Variants in ATRNL1 observed in about 807,000 individuals in gnomAD.
The protein encoded by ATRNL1 is attractin-like protein 1.
ATRNL1 carries 95 observed loss-of-function variants against 182.7 expected under a neutral mutation model. The observed-to-expected ratio is 0.52, with a 90% CI of 0.44 to 0.62. The LOEUF is 0.62. ATRNL1 is among the 20% of genes least tolerant of loss of function. ATRNL1 has a pLI of 0.00. For synonymous variants in ATRNL1, 576 were observed against 568.3 expected, an observed-to-expected ratio of 1.01 and a Z score of -0.19; for missense variants, 1,471 against 1,679.5, an observed-to-expected ratio of 0.88 and a Z score of 2.17.
chr10:115,198,229 A>G (rs1848433859), intron 8 of ATRNL1, among the ~76,000 whole-genome samples: 2 of 152,154 alleles, frequency 1.3e-5, no homozygotes, highest in South Asian at 4.1e-4. Flanking sequence ...ATGATATATC[A>G]TTTTGGTTTT....
chr10:115,904,803 A>G (rs191762605), intron 28 of ATRNL1, among the ~76,000 whole-genome samples: 1 of 152,356 alleles, frequency 6.6e-6, no homozygotes, highest in African/African-American at 2.4e-5. Flanking sequence ...TTTACAAATT[A>G]AAGTCCAAAG....
At chr10:115,135,474 AC>A (rs1389921814) in intron 5 of ATRNL1, among the ~76,000 whole-genome samples, 2 of 152,208 alleles carry the variant, frequency 1.3e-5, no homozygotes, top group African/African-American at 2.4e-5. Context: ...AATCCAACTT[AC>A]AAGGGACGTG....
At chr10:115,336,519 A>G (rs575857173) in intron 19 of ATRNL1, among the ~76,000 whole-genome samples, 1 of 152,286 alleles carries the variant, frequency 6.6e-6, no homozygotes, top group African/African-American at 2.4e-5. Context: ...GTGTTAATGT[A>G]TTGATTGCAT....
At chr10:115,608,340 G>C (rs1172298435) in intron 26 of ATRNL1, among the ~76,000 whole-genome samples, 1 of 151,916 alleles carries the variant, frequency 6.6e-6, no homozygotes, top group African/African-American at 2.4e-5. Context: ...CTGAACTCTG[G>C]TGTTAAAAAA....
intron 20 of ATRNL1, 84 bp downstream of exon 20, chr10:115,394,836 T>C (rs1844206268): frequency 9.3e-7 from 1 of 1,072,452 alleles, no homozygotes; most frequent in African/African-American, 1.6e-5. Flanking sequence ...TTTAATTTAG[T>C]GTTGTGCTAG....
At chr10:115,251,171 C>T (rs1366378802) in intron 10 of ATRNL1, among the ~76,000 whole-genome samples, 1 of 152,076 alleles carries the variant, frequency 6.6e-6, no homozygotes, top group Non-Finnish European at 1.5e-5. Flanking sequence ...GTTTAGTTTG[C>T]CAAACTGATG....
intron 28 of ATRNL1, among the ~76,000 whole-genome samples, chr10:115,884,756 A>G (rs190073642): frequency 3.3e-5 from 5 of 152,348 alleles, no homozygotes; most frequent in East Asian, 1.9e-4. Context: ...AGGTCTTCCA[A>G]ATATCCCAGG....
rs148493482 is a variant in ATRNL1 at position 115,362,519 on chromosome 10, G to GTT, written c.3175+28112_3175+28113dup. 2.1e-4 allele frequency among the ~76,000 whole-genome samples: 29 copies of GTT among 139,872 alleles called. No homozygotes were observed. In the South Asian group the frequency reaches 3.2e-3, roughly 15 times the overall value. The allele number at this position is 139,872 out of a possible 152,430, so 91.8% of individuals were successfully genotyped here. A position where few individuals can be genotyped will look rare whatever the true frequency, so the allele number is the denominator to read the frequency against. Reference sequence around the variant, plus strand: ...GCGGTTTACAAGTATGCAGTACATTGTTTTTTTTTTTTTATTATACTTTAA... The same window carrying GTT: ...GCGGTTTACAAGTATGCAGTACATTGTTTTTTTTTTTTTTTATTATACTTTAA... On this transcript the variant is annotated intron_variant, in intron 19 of 28. Coordinates refer to ENST00000355044, the MANE Select transcript of ATRNL1 (RefSeq NM_207303.4).
chr10:115,567,550 T>G (rs1381143525), intron 26 of ATRNL1, among the ~76,000 whole-genome samples: 2 of 152,144 alleles, frequency 1.3e-5, no homozygotes, highest in Non-Finnish European at 2.9e-5. Flanking sequence ...AGCAACCTAT[T>G]AAAAGATGAA....
At chr10:115,101,985 T>C (rs1843789037) in intron 1 of ATRNL1, among the ~76,000 whole-genome samples, 3 of 152,248 alleles carry the variant, frequency 2.0e-5, no homozygotes, top group South Asian at 2.1e-4. Flanking sequence ...TATTCTTCTA[T>C]TGATGGGTGG....
At chr10:115,106,305 C>T (rs1215916482) in intron 1 of ATRNL1, among the ~76,000 whole-genome samples, 1 of 152,156 alleles carries the variant, frequency 6.6e-6, no homozygotes, top group East Asian at 1.9e-4. Context: ...AATACCTATA[C>T]CCCCATTGTA....
intron 24 of ATRNL1, among the ~76,000 whole-genome samples, chr10:115,489,418 G>C (rs1565096709): frequency 6.6e-6 from 1 of 152,112 alleles, no homozygotes; most frequent in Non-Finnish European, 1.5e-5. Flanking sequence ...CCTGTATTGG[G>C]TGCATATATA....
At chr10:115,639,214 A>G (rs888587428) in intron 26 of ATRNL1, among the ~76,000 whole-genome samples, 4 of 152,200 alleles carry the variant, frequency 2.6e-5, no homozygotes, top group Admixed American at 2.0e-4. Flanking sequence ...TTTTTAAACT[A>G]TGGAGTCTGT....
At chr10:115,322,544 A>C (rs111741798) in intron 18 of ATRNL1, among the ~76,000 whole-genome samples, 24 of 152,210 alleles carry the variant, frequency 1.6e-4, no homozygotes, top group African/African-American at 5.5e-4. Context: ...AAAAAAGGAA[A>C]ATAAATATGC....
chr10:115,638,127 G>A (rs1459385130), intron 26 of ATRNL1, among the ~76,000 whole-genome samples: 2 of 151,852 alleles, frequency 1.3e-5, no homozygotes, highest in African/African-American at 4.8e-5. Context: ...CTTCATTCAT[G>A]ATAAATGCCC....
chr10:115,268,339 C>A lies in ATRNL1; in HGVS notation c.1995C>A (p.Asp665Glu). Residue 665 changes from aspartate (D) to glutamate (E), a missense_variant, in exon 13 of 29, where the codon GAC becomes GAA. By Grantham distance (45) the Asp-to-Glu change is conservative. This residue lies in a region of ATRNL1 where 1,031 missense variants were observed against 1,156.0 expected (regional missense o/e 0.89). Transcript: ENST00000355044. The stretch of plus-strand genomic sequence containing the variant: ...TTTGTATTATAGCTGCTTCTGATGA[C>A]AGATGTTACAGATATGCAGATTGTG... ...KCPPKTAASD[D>E]RCYRYADCAS... The A allele has an allele frequency of 1.9e-6, 3 of 1,609,360 alleles. No homozygotes were observed. Among genetic ancestry groups the A allele is most frequent in the Non-Finnish European group, 2.6e-6 (3 of 1,175,848 alleles).
intron 19 of ATRNL1, among the ~76,000 whole-genome samples, chr10:115,353,045 G>C (rs146217189): frequency 6.6e-6 from 1 of 152,136 alleles, no homozygotes; most frequent in African/African-American, 2.4e-5. Context: ...TTTTTCACCC[G>C]TTGAATGAAA....
chr10:115,241,771 T>A, intron 10 of ATRNL1, 46 bp downstream of exon 10: 2 of 1,511,288 alleles, frequency 1.3e-6, no homozygotes, highest in Non-Finnish European at 1.8e-6. Context: ...ATCAGAAATT[T>A]TCCATATAGA....
intron 21 of ATRNL1, among the ~76,000 whole-genome samples, chr10:115,442,958 A>G (rs575805606): frequency 6.6e-6 from 1 of 152,054 alleles, no homozygotes. Context: ...GTATAGTTAC[A>G]TCTTCTTTTA....
Sources: allele counts gnomAD v4.1 joint callset (sites outside exome capture counted in the v4.1 genomes callset), GRCh38; gene constraint gnomAD v4.1.1; regional missense constraint gnomAD v4.1.1; transcripts MANE v1.5; gene names NCBI Gene and HGNC (gene_info 2026-07-23, HGNC 2026-07-21).